ST8SIA6: variants seen among roughly 807,000 people sequenced by gnomAD.
ST8SIA6 encodes alpha-2,8-sialyltransferase 8F.
ST8SIA6 carries 39 observed loss-of-function variants against 33.6 expected under a neutral mutation model. That is an observed-to-expected ratio of 1.16 (90% CI 0.90 to 1.52). The LOEUF is 1.52. Ranked by LOEUF, ST8SIA6 falls within the 40% of genes most tolerant of loss-of-function variation. ST8SIA6 has a pLI of 0.00. For missense variants in ST8SIA6, 441 were observed against 443.8 expected (o/e 0.99, Z 0.06); for synonymous variants, 172 against 167.2 (o/e 1.03, Z -0.22).
intron 2 of ST8SIA6, among the ~76,000 whole-genome samples, chr10:17,428,058 G>A (rs1413517270): frequency 2.6e-5 from 4 of 152,224 alleles, no homozygotes. Flanking sequence ...ACATTGTTTT[G>A]ACTTCATTTT....
At chr10:17,342,910 C>T (rs1349552046) in intron 4 of ST8SIA6, among the ~76,000 whole-genome samples, 1 of 152,096 alleles carries the variant, frequency 6.6e-6, no homozygotes, top group Non-Finnish European at 1.5e-5. Context: ...GATCGCGCCA[C>T]CATGCTCCAG....
intron 2 of ST8SIA6, among the ~76,000 whole-genome samples, chr10:17,444,687 G>C (rs1243097943): frequency 6.6e-6 from 1 of 152,202 alleles, no homozygotes; most frequent in African/African-American, 2.4e-5. Context: ...GAGCAGAGCA[G>C]CCAGAGAGGT....
At chr10:17,434,097 T>G (rs1852180996) in intron 2 of ST8SIA6, among the ~76,000 whole-genome samples, 1 of 152,170 alleles carries the variant, frequency 6.6e-6, no homozygotes, top group African/African-American at 2.4e-5. Flanking sequence ...TCTTCATGCC[T>G]AGACATATCT....
intron 3 of ST8SIA6, among the ~76,000 whole-genome samples, chr10:17,383,471 T>C (rs1031335128): frequency 3.3e-5 from 5 of 152,234 alleles, no homozygotes; most frequent in Non-Finnish European, 5.9e-5. Flanking sequence ...TGATATACCT[T>C]AGTGTACCTT....
Position 17,331,568 on chromosome 10 carries a change from A to T in ST8SIA6, c.378-16T>A. 6.3e-7 allele frequency: 1 copy of T among 1,593,434 alleles called. No individual in the cohort carries two copies. Reference sequence around the variant, plus strand: ...AAGTTTGGCTCTGCAAAGGAAAAGGATGAAAAGGAAGCCAAAGTATAAGAT... The same window carrying T: ...AAGTTTGGCTCTGCAAAGGAAAAGGTTGAAAAGGAAGCCAAAGTATAAGAT... On this transcript the variant is annotated splice_polypyrimidine_tract_variant and intron_variant, in intron 4 of 7. Transcript: ENST00000377602.
chr10:17,357,138 T>C (rs895658435), intron 4 of ST8SIA6, among the ~76,000 whole-genome samples: 2 of 151,340 alleles, frequency 1.3e-5, no homozygotes, highest in African/African-American at 4.9e-5. Flanking sequence ...AGTTCTTTTT[T>C]TTTTTTCTTT....
intron 4 of ST8SIA6, among the ~76,000 whole-genome samples, chr10:17,344,269 G>A (rs1008628104): frequency 2.6e-5 from 4 of 152,190 alleles, no homozygotes; most frequent in Non-Finnish European, 5.9e-5. Context: ...AAGATTTCAC[G>A]CTGCTAATAA....
At chr10:17,355,218 AT>A (rs1240345937) in intron 4 of ST8SIA6, among the ~76,000 whole-genome samples, 1 of 152,214 alleles carries the variant, frequency 6.6e-6, no homozygotes, top group Non-Finnish European at 1.5e-5. Context: ...GGTCTTCTGT[AT>A]CCAGTTGTCT....
At chr10:17,447,546 G>T (rs983844055) in intron 2 of ST8SIA6, among the ~76,000 whole-genome samples, 1 of 151,284 alleles carries the variant, frequency 6.6e-6, no homozygotes, top group Non-Finnish European at 1.5e-5. Flanking sequence ...TTAGACTTAT[G>T]CAAATAAATA....
intron 7 of ST8SIA6, 86 bp from the exon 8 acceptor site, chr10:17,321,432 G>T: frequency 9.1e-7 from 1 of 1,103,206 alleles, no homozygotes; most frequent in Non-Finnish European, 1.3e-6. Context: ...ATTTACCATT[G>T]GTCAAAACAC....
intron 6 of ST8SIA6, 51 bp from the exon 7 acceptor site, chr10:17,323,208 A>G: frequency 7.2e-7 from 1 of 1,389,462 alleles, no homozygotes; most frequent in Non-Finnish European, 1.0e-6. Flanking sequence ...TAGAAAAAAG[A>G]TTGTATACAC....
chr10:17,320,905 C>T lies in ST8SIA6; in HGVS notation c.1170G>A (p.Leu390=). Residue 390 remains leucine, a synonymous_variant, in exon 8 of 8, where the codon CTG becomes CTA. Coordinates refer to ENST00000377602, the MANE Select transcript of ST8SIA6 (RefSeq NM_001004470.3). Reference sequence around the variant, plus strand: ...AGGCGACTTCACATTTGCTAAATTGCAGTTTGAGGATTCCTTTCATGTGAA... The same window carrying T: ...AGGCGACTTCACATTTGCTAAATTGTAGTTTGAGGATTCCTTTCATGTGAA... ...LQLHMKGILK[L]QFSKCEVA 1 of 1,613,982 alleles carries T rather than the reference C, an allele frequency of 6.2e-7. No homozygotes were observed.
intron 4 of ST8SIA6, among the ~76,000 whole-genome samples, chr10:17,341,530 T>C (rs1377713944): frequency 6.6e-6 from 1 of 152,062 alleles, no homozygotes; most frequent in Non-Finnish European, 1.5e-5. Flanking sequence ...AGCCCCAGTA[T>C]GATGGTATTA....
chr10:17,427,179 C>T (rs567175322), intron 2 of ST8SIA6, among the ~76,000 whole-genome samples: 1 of 151,992 alleles, frequency 6.6e-6, no homozygotes, highest in South Asian at 2.1e-4. Context: ...TGTTCAATGC[C>T]ACGGTCTGAT....
At chr10:17,449,801 G>A (rs1852845333) in intron 2 of ST8SIA6, among the ~76,000 whole-genome samples, 1 of 152,140 alleles carries the variant, frequency 6.6e-6, no homozygotes, top group Non-Finnish European at 1.5e-5. Context: ...AGGAGCAGAA[G>A]AGCAAAAAAG....
intron 2 of ST8SIA6, among the ~76,000 whole-genome samples, chr10:17,446,049 A>C (rs866287806): frequency 2.0e-4 from 30 of 151,868 alleles, no homozygotes; most frequent in Non-Finnish European, 2.6e-4. Flanking sequence ...AAAAAAAAAA[A>C]CTCAAACTTT....
At chr10:17,369,503 C>G (rs1849663770) in intron 3 of ST8SIA6, among the ~76,000 whole-genome samples, 1 of 151,932 alleles carries the variant, frequency 6.6e-6, no homozygotes, top group South Asian at 2.1e-4. Context: ...ATGGTATATC[C>G]CGGAGAATGA....
At position 17,318,933 on chromosome 10, in the gene ST8SIA6, A is replaced by G. The variant is rs1208744707; in HGVS notation, c.*1945T>C. Among the ~76,000 whole-genome samples the G allele has an allele frequency of 1.3e-5, 2 of 152,166 alleles. No individual in the cohort carries two copies. Among genetic ancestry groups the G allele is most frequent in the Non-Finnish European group, 2.9e-5 (2 of 68,030 alleles). On this transcript the variant is annotated 3_prime_UTR_variant, in exon 8 of 8. Transcript: ENST00000377602. ...GCAGGATATATGGAAGGTGGGATAT[A>G]TGCCCTACCAGGAAGAAAATGTTAG...
intron 2 of ST8SIA6, among the ~76,000 whole-genome samples, chr10:17,425,550 G>A (rs1851906730): frequency 6.6e-6 from 1 of 151,688 alleles, no homozygotes; most frequent in Non-Finnish European, 1.5e-5. Flanking sequence ...CTAGGCAGCA[G>A]AGTGGGACCC....
Sources: gnomAD v4.1 joint callset for allele counts (sites outside exome capture counted in the v4.1 genomes callset) on GRCh38, gnomAD v4.1.1 for gene constraint, MANE v1.5 for transcripts, NCBI Gene and HGNC (gene_info 2026-07-23, HGNC 2026-07-21) for gene names.